Variants in CDH13 observed in about 807,000 individuals in gnomAD.
CDH13 encodes the protein cadherin-13.
CDH13 carries 24 observed loss-of-function variants against 63.8 expected under a neutral mutation model. That is an observed-to-expected ratio of 0.38 (90% CI 0.27 to 0.53). The LOEUF is 0.53. Among genes scored for constraint, CDH13 ranks in the 20% least tolerant of loss-of-function variants. The probability of loss-of-function intolerance (pLI) is 0.85; values close to 1 mark genes in which losing one functional copy is unlikely to be tolerated. For synonymous variants in CDH13, 503 were observed against 355.3 expected, an observed-to-expected ratio of 1.42 and a Z score of -4.67; for missense variants, 1,049 against 903.1, an observed-to-expected ratio of 1.16 and a Z score of -2.07.
intron 4 of CDH13, among the ~76,000 whole-genome samples, chr16:83,139,455 C>T (rs1228347477): frequency 1.3e-5 from 2 of 152,164 alleles, no homozygotes; most frequent in Non-Finnish European, 2.9e-5. Flanking sequence ...TCTTTGAATG[C>T]TGATGTTGGC....
intron 1 of CDH13, among the ~76,000 whole-genome samples, chr16:82,837,677 T>G (rs982964408): frequency 6.6e-5 from 10 of 152,178 alleles, no homozygotes; most frequent in African/African-American, 2.4e-4. Flanking sequence ...GTGAAATGGT[T>G]TCTACGAGGG....
At chr16:83,463,478 A>G (rs2073231163) in intron 6 of CDH13, among the ~76,000 whole-genome samples, 1 of 152,102 alleles carries the variant, frequency 6.6e-6, no homozygotes, top group Non-Finnish European at 1.5e-5. Context: ...ATACCACACT[A>G]CACACAGGCT....
intron 7 of CDH13, among the ~76,000 whole-genome samples, chr16:83,537,204 A>G (rs2075208267): frequency 6.6e-6 from 1 of 152,238 alleles, no homozygotes; most frequent in African/African-American, 2.4e-5. Flanking sequence ...CTATCTACAA[A>G]GAAGGTACAG....
chr16:82,703,255 A>T (rs1408047466), intron 1 of CDH13, among the ~76,000 whole-genome samples: 1 of 152,040 alleles, frequency 6.6e-6, no homozygotes, highest in Admixed American at 6.5e-5. Context: ...TATGTAACAC[A>T]CTCAGGGCTG....
chr16:83,554,010 G>T (rs944728223), intron 7 of CDH13, among the ~76,000 whole-genome samples: 2 of 152,152 alleles, frequency 1.3e-5, no homozygotes, highest in Non-Finnish European at 2.9e-5. Context: ...ATAATTGCCT[G>T]TGTCTCTGTC....
At chr16:83,470,087 C>T (rs78578908) in intron 6 of CDH13, among the ~76,000 whole-genome samples, 3,852 of 152,256 alleles carry the variant, frequency 0.025, 163 homozygotes, top group African/African-American at 0.087. Context: ...CTCTCCTGGG[C>T]TCTTAGTTGG....
chr16:82,699,620 C>T (rs1462869544), intron 1 of CDH13, among the ~76,000 whole-genome samples: 1 of 152,232 alleles, frequency 6.6e-6, no homozygotes. Context: ...AACAAGTCTT[C>T]ATGGTGATTA....
intron 4 of CDH13, among the ~76,000 whole-genome samples, chr16:83,157,404 T>C (rs892830765): frequency 2.0e-5 from 3 of 152,176 alleles, no homozygotes; most frequent in African/African-American, 7.2e-5. Flanking sequence ...TCTTGGTCAA[T>C]TGGATGAGTC....
At chr16:83,091,468 A>T (rs1236942114) in intron 3 of CDH13, among the ~76,000 whole-genome samples, 1 of 152,200 alleles carries the variant, frequency 6.6e-6, no homozygotes, top group Non-Finnish European at 1.5e-5. Flanking sequence ...TTTTATGTCT[A>T]CAGAGAAACT....
At chr16:83,764,024 G>T (rs1319246878) in intron 11 of CDH13, among the ~76,000 whole-genome samples, 1 of 152,134 alleles carries the variant, frequency 6.6e-6, no homozygotes, top group Non-Finnish European at 1.5e-5. Flanking sequence ...TGAAGATAAT[G>T]CCATCTGCCT....
chr16:83,067,397 T>C (rs1163923303), intron 3 of CDH13, among the ~76,000 whole-genome samples: 1 of 152,136 alleles, frequency 6.6e-6, no homozygotes, highest in Non-Finnish European at 1.5e-5. Flanking sequence ...TTCTATAAAA[T>C]GGGAACCATC....
chr16:82,753,968 T>C (rs1196693838), intron 1 of CDH13, among the ~76,000 whole-genome samples: 1 of 152,198 alleles, frequency 6.6e-6, no homozygotes, highest in African/African-American at 2.4e-5. Flanking sequence ...CTGTGAATCA[T>C]GAATAAGATC....
At chr16:82,921,422 C>G (rs1282045648) in intron 2 of CDH13, among the ~76,000 whole-genome samples, 1 of 152,136 alleles carries the variant, frequency 6.6e-6, no homozygotes. Flanking sequence ...TTCTCTATCT[C>G]TCATAGAATC....
intron 3 of CDH13, among the ~76,000 whole-genome samples, chr16:83,064,291 C>T (rs1255257888): frequency 6.6e-6 from 1 of 152,088 alleles, no homozygotes; most frequent in Non-Finnish European, 1.5e-5. Context: ...ATCGCTTGAA[C>T]CCGGGAGGTG....
intron 1 of CDH13, among the ~76,000 whole-genome samples, chr16:82,832,200 T>G (rs2038571501): frequency 6.6e-6 from 1 of 151,644 alleles, no homozygotes; most frequent in Non-Finnish European, 1.5e-5. Context: ...TAAGATTTGA[T>G]TGAGTGCTTG....
intron 4 of CDH13, among the ~76,000 whole-genome samples, chr16:83,167,824 T>C (rs1476540585): frequency 6.6e-6 from 1 of 151,728 alleles, no homozygotes; most frequent in Non-Finnish European, 1.5e-5. Context: ...GTGGACTGGA[T>C]TGAAAAAAAA....
chr16:82,914,063 G>A (rs1348731054), intron 2 of CDH13, among the ~76,000 whole-genome samples: 4 of 151,932 alleles, frequency 2.6e-5, no homozygotes, highest in Admixed American at 6.5e-5. Context: ...GATGAGGGTG[G>A]GCATGGAGCT....
intron 1 of CDH13, among the ~76,000 whole-genome samples, chr16:82,676,342 G>C (rs1243085962): frequency 6.6e-6 from 1 of 152,002 alleles, no homozygotes; most frequent in East Asian, 1.9e-4. Context: ...ACCTCATTCT[G>C]TGGCACCATT....
At chr16:82,968,959 A>T (rs796922589) in intron 2 of CDH13, among the ~76,000 whole-genome samples, 70 of 152,118 alleles carry the variant, frequency 4.6e-4, no homozygotes, top group African/African-American at 1.7e-3. Flanking sequence ...ATCTCTACAA[A>T]ATATACAAAA....
Sources: allele counts gnomAD v4.1 joint callset (sites outside exome capture counted in the v4.1 genomes callset), GRCh38; gene constraint gnomAD v4.1.1; transcripts MANE v1.5; gene names NCBI Gene and HGNC (gene_info 2026-07-23, HGNC 2026-07-21).